Variants in NTNG1 observed in about 807,000 individuals in gnomAD.
NTNG1 encodes netrin G1, also known as netrin-G1.
NTNG1 carries 16 observed loss-of-function variants against 54.0 expected under a neutral mutation model. The ratio of observed to expected loss-of-function variants is 0.30; its 90% CI spans 0.20 to 0.45. NTNG1 has a LOEUF of 0.45. NTNG1 is among the 20% of genes least tolerant of loss of function. NTNG1 has a pLI of 1.00. For synonymous variants in NTNG1, 255 were observed against 263.1 expected, an observed-to-expected ratio of 0.97 and a Z score of 0.30; for missense variants, 530 against 678.7, an observed-to-expected ratio of 0.78 and a Z score of 2.43.
intron 7 of NTNG1, among the ~76,000 whole-genome samples, chr1:107,466,390 T>C (rs1677613046): frequency 1.3e-5 from 2 of 152,186 alleles, no homozygotes; most frequent in South Asian, 4.1e-4. Context: ...ATTCATTGAG[T>C]ACAGTTTGTT....
At chr1:107,442,413 TA>T (rs1173770317) in intron 7 of NTNG1, among the ~76,000 whole-genome samples, 2 of 151,806 alleles carry the variant, frequency 1.3e-5, no homozygotes, top group Non-Finnish European at 1.5e-5. Context: ...AGACTACCTA[TA>T]AAAAAAAGAG....
intron 7 of NTNG1, among the ~76,000 whole-genome samples, chr1:107,437,981 A>C (rs1369301025): frequency 6.6e-6 from 1 of 152,190 alleles, no homozygotes; most frequent in Non-Finnish European, 1.5e-5. Flanking sequence ...CAATTTCTAT[A>C]GAAAACTGTA....
chr1:107,341,413 T>C (rs2101926408), intron 3 of NTNG1, among the ~76,000 whole-genome samples: 1 of 152,178 alleles, frequency 6.6e-6, no homozygotes, highest in East Asian at 1.9e-4. Flanking sequence ...TCTCTATTGG[T>C]AGAGATTCCC....
At chr1:107,406,903 G>T (rs1351734031) in intron 4 of NTNG1, among the ~76,000 whole-genome samples, 1 of 152,126 alleles carries the variant, frequency 6.6e-6, no homozygotes, top group Non-Finnish European at 1.5e-5. Flanking sequence ...TGGCTTCTGA[G>T]CCCAGACTAT....
chr1:107,281,949 A>G (rs952436543), intron 2 of NTNG1, among the ~76,000 whole-genome samples: 14 of 152,318 alleles, frequency 9.2e-5, no homozygotes, highest in Admixed American at 2.0e-4. Context: ...ACTAGTCCTC[A>G]GTTCACATCT....
chr1:107,414,995 A>T (rs1399656386), intron 5 of NTNG1, among the ~76,000 whole-genome samples: 2 of 152,138 alleles, frequency 1.3e-5, no homozygotes, highest in African/African-American at 4.8e-5. Flanking sequence ...AATAATAGCA[A>T]CTGAAAGGCA....
chr1:107,174,338 T>A (rs1278238116), intron 2 of NTNG1, among the ~76,000 whole-genome samples: 1 of 152,164 alleles, frequency 6.6e-6, no homozygotes, highest in Admixed American at 6.6e-5. Flanking sequence ...CCTTCCACTG[T>A]GGAATGCAGC....
At chr1:107,386,370 C>T (rs113099784) in intron 3 of NTNG1, among the ~76,000 whole-genome samples, 3,575 of 151,706 alleles carry the variant, frequency 0.024, 147 homozygotes, top group African/African-American at 0.081. Flanking sequence ...GATGGGGTTT[C>T]GCCATGTTGG....
chr1:107,416,457 A>G (rs984539062), intron 5 of NTNG1, among the ~76,000 whole-genome samples: 1 of 152,100 alleles, frequency 6.6e-6, no homozygotes, highest in Non-Finnish European at 1.5e-5. Context: ...ATAAGTCCAT[A>G]CAGTTCAAGA....
chr1:107,409,533 T>C (rs1453571146), intron 5 of NTNG1: 2 of 152,094 alleles, frequency 1.3e-5, no homozygotes, highest in African/African-American at 4.8e-5. Context: ...TTCTGTTTTG[T>C]TTTGTTTTGT....
Position 107,295,119 on chromosome 1 carries a change from T to G in NTNG1, c.247-29163T>G, listed in dbSNP as rs149147810. Among the ~76,000 whole-genome samples, 17 of 152,302 alleles carry G rather than the reference T, an allele frequency of 1.1e-4. No homozygotes were observed. The East Asian group carries it at 1.7e-3, about 16-fold the overall frequency. ...TCAGAAGGTGGTTGTGTAATTACAT[T>G]AGGGTTGGTTGGGATGTGCAGAAGA... On this transcript the variant is annotated intron_variant, in intron 2 of 7. Coordinates refer to ENST00000370068, the MANE Select transcript of NTNG1 (RefSeq NM_001113226.3).
intron 7 of NTNG1, among the ~76,000 whole-genome samples, chr1:107,465,444 A>G (rs1677541334): frequency 6.6e-6 from 1 of 152,216 alleles, no homozygotes; most frequent in Non-Finnish European, 1.5e-5. Context: ...GAGACAAGAA[A>G]TGCACATGGA....
intron 2 of NTNG1, among the ~76,000 whole-genome samples, chr1:107,187,008 A>G (rs1473723860): frequency 6.6e-6 from 1 of 152,172 alleles, no homozygotes; most frequent in Non-Finnish European, 1.5e-5. Flanking sequence ...TATACTGTGT[A>G]TGATGAAGCA....
chr1:107,391,813 G>A (rs946238222), intron 3 of NTNG1, among the ~76,000 whole-genome samples: 2 of 152,110 alleles, frequency 1.3e-5, no homozygotes, highest in African/African-American at 4.8e-5. Context: ...TGAGAGATCT[G>A]CCCTCATGAC....
chr1:107,292,373 TA>T (rs1557874599), intron 2 of NTNG1, among the ~76,000 whole-genome samples: 2 of 152,068 alleles, frequency 1.3e-5, no homozygotes, highest in Non-Finnish European at 2.9e-5. Context: ...CAGGAAATGT[TA>T]CAGTAGGTAG....
At chr1:107,439,219 C>T (rs1675801835) in intron 7 of NTNG1, among the ~76,000 whole-genome samples, 1 of 151,626 alleles carries the variant, frequency 6.6e-6, no homozygotes, top group Non-Finnish European at 1.5e-5. Flanking sequence ...GTGGAGCTTT[C>T]CAGGATAGGA....
At chr1:107,367,067 TG>T (rs1670637386) in intron 3 of NTNG1, among the ~76,000 whole-genome samples, 1 of 92,778 alleles carries the variant, frequency 1.1e-5, no homozygotes, top group African/African-American at 6.3e-5. Flanking sequence ...TATCTGTTCG[TG>T]TGTGTGTGTG....
At chr1:107,471,656 T>C (rs1323663709) in intron 7 of NTNG1, among the ~76,000 whole-genome samples, 2 of 152,216 alleles carry the variant, frequency 1.3e-5, no homozygotes, top group East Asian at 3.8e-4. Flanking sequence ...TGCAAGGCTT[T>C]GTAGAATATG....
intron 7 of NTNG1, among the ~76,000 whole-genome samples, chr1:107,464,284 C>A (rs1677461999): frequency 6.6e-6 from 1 of 152,152 alleles, no homozygotes; most frequent in Non-Finnish European, 1.5e-5. Flanking sequence ...GTAGATTTGA[C>A]AAGCCTAAAG....
Sources: gnomAD v4.1 joint callset for allele counts (sites outside exome capture counted in the v4.1 genomes callset) on GRCh38, gnomAD v4.1.1 for gene constraint, MANE v1.5 for transcripts, NCBI Gene and HGNC (gene_info 2026-07-23, HGNC 2026-07-21) for gene names.